RBFOX1: variants seen among roughly 807,000 people sequenced by gnomAD.
RBFOX1 encodes the protein RNA binding protein fox-1 homolog 1.
In RBFOX1, 8 loss-of-function variants were observed where a neutral mutation model predicts 57.7. That is an observed-to-expected ratio of 0.14 (90% confidence interval 0.08 to 0.25). The LOEUF is 0.25. Ranked by LOEUF, RBFOX1 falls within the 10% of genes least tolerant of loss-of-function variation. RBFOX1 has a pLI of 1.00. For synonymous variants in RBFOX1, 326 were observed against 222.4 expected, an observed-to-expected ratio of 1.47 and a Z score of -4.15; for missense variants, 611 against 548.5, an observed-to-expected ratio of 1.11 and a Z score of -1.14.
chr16:7,348,826 C>T (rs961506341), intron 4 of RBFOX1, among the ~76,000 whole-genome samples: 56 of 152,106 alleles, frequency 3.7e-4, no homozygotes, highest in African/African-American at 1.3e-3. Context: ...CTTGTAATCC[C>T]AGCCCCTTGG....
chr16:6,447,678 G>A (rs764811280), intron 2 of RBFOX1, among the ~76,000 whole-genome samples: 13 of 152,156 alleles, frequency 8.5e-5, no homozygotes, highest in East Asian at 1.9e-4. Context: ...GATAACAAGC[G>A]TTAAAAATTA....
At chr16:6,222,276 T>A (rs1212361245) in intron 1 of RBFOX1, among the ~76,000 whole-genome samples, 2 of 152,160 alleles carry the variant, frequency 1.3e-5, no homozygotes, top group African/African-American at 4.8e-5. Context: ...TCAAAATTAT[T>A]TCTGACCTTC....
chr16:5,920,513 G>A (rs1292606514), intron 4 of RBFOX1, among the ~76,000 whole-genome samples: 1 of 152,118 alleles, frequency 6.6e-6, no homozygotes, highest in Admixed American at 6.5e-5. Flanking sequence ...ACTTATAGGG[G>A]AACTGATCAC....
chr16:5,612,212 C>CAT (rs2047846418), intron 3 of RBFOX1, among the ~76,000 whole-genome samples: 3 of 144,018 alleles, frequency 2.1e-5, no homozygotes, highest in South Asian at 2.3e-4. Context: ...CCCCTCCACT[C>CAT]TCATTCATTC....
In RBFOX1 at chr16:6,122,588, A is replaced by G. The variant is rs185768503; in HGVS notation, c.-127+102596A>G. ...CATCCAGGCTTATATTGTGCTGACT[A>G]GGCCTTCCGTGTGACACCCGCTCCC... On this transcript the variant is annotated intron_variant, in intron 1 of 15. Coordinates refer to ENST00000550418, the MANE Select transcript of RBFOX1 (RefSeq NM_018723.4). Among the ~76,000 whole-genome samples the G allele has an allele frequency of 2.0e-3, 311 of 152,238 alleles. 4 individuals carry two copies. The highest frequency in any genetic ancestry group is 6.8e-3 in the African/African-American group (283 of 41,550).
chr16:6,677,571 A>G (rs886227558), intron 3 of RBFOX1, among the ~76,000 whole-genome samples: 1 of 152,222 alleles, frequency 6.6e-6, no homozygotes, highest in African/African-American at 2.4e-5. Context: ...GAAGCAGAGT[A>G]ATGACTCAGC....
intron 1 of RBFOX1, among the ~76,000 whole-genome samples, chr16:5,452,713 G>C (rs1162389074): frequency 1.3e-5 from 2 of 151,266 alleles, no homozygotes; most frequent in Non-Finnish European, 2.9e-5. Context: ...GCGTGGTCCT[G>C]GCTCACTGCA....
At chr16:7,564,171 G>A (rs1384217948) in intron 5 of RBFOX1, among the ~76,000 whole-genome samples, 1 of 152,084 alleles carries the variant, frequency 6.6e-6, no homozygotes, top group African/African-American at 2.4e-5. Context: ...CGAGAGTAGA[G>A]CCCGATGAGA....
chr16:6,554,863 C>A (rs1016154749), intron 2 of RBFOX1, among the ~76,000 whole-genome samples: 1 of 147,812 alleles, frequency 6.8e-6, no homozygotes. Context: ...CTCTGTCGCT[C>A]TCTCTCTCAC....
chr16:6,860,280 T>C (rs1355714890), intron 3 of RBFOX1, among the ~76,000 whole-genome samples: 1 of 152,218 alleles, frequency 6.6e-6, no homozygotes, highest in Non-Finnish European at 1.5e-5. Flanking sequence ...AAATACATTA[T>C]TTAATGTCTG....
intron 4 of RBFOX1, among the ~76,000 whole-genome samples, chr16:7,106,005 A>T (rs2151464630): frequency 6.6e-6 from 1 of 152,230 alleles, no homozygotes; most frequent in African/African-American, 2.4e-5. Flanking sequence ...GTCCAGGAGG[A>T]TTTCTTACAG....
intron 4 of RBFOX1, among the ~76,000 whole-genome samples, chr16:7,330,685 G>A (rs1424263597): frequency 1.3e-5 from 2 of 152,062 alleles, no homozygotes. Flanking sequence ...GAAACTAAGA[G>A]TCTAAAGCTG....
At chr16:7,067,333 A>T (rs9941158) in intron 4 of RBFOX1, among the ~76,000 whole-genome samples, 1 of 151,698 alleles carries the variant, frequency 6.6e-6, no homozygotes, top group South Asian at 2.1e-4. Context: ...TTTATAGAAC[A>T]CAAATTTACT....
intron 4 of RBFOX1, among the ~76,000 whole-genome samples, chr16:5,976,026 C>G (rs1323073873): frequency 6.6e-6 from 1 of 151,940 alleles, no homozygotes; most frequent in Admixed American, 6.6e-5. Flanking sequence ...TACCTGTAGT[C>G]CTAGCCACTC....
chr16:5,643,659 A>G (rs144597980), intron 3 of RBFOX1, among the ~76,000 whole-genome samples: 1 of 152,290 alleles, frequency 6.6e-6, no homozygotes, highest in Non-Finnish European at 1.5e-5. Context: ...TGATGTAGGA[A>G]CTTCAGCTTT....
intron 3 of RBFOX1, among the ~76,000 whole-genome samples, chr16:5,796,473 G>A (rs2054882662): frequency 6.6e-6 from 1 of 152,160 alleles, no homozygotes; most frequent in Admixed American, 6.5e-5. Flanking sequence ...AACAGGAGTG[G>A]TGGTGGCATC....
rs140621124 is a variant in RBFOX1, at chr16:5,828,493, A to G, written c.319-38810A>G. 9.2e-4 allele frequency among the ~76,000 whole-genome samples: 140 copies of G among 152,218 alleles called. 4 individuals carry two copies. The East Asian group carries it at 0.025, about 27-fold the overall frequency. ...GGTGGGCGGATCGCGAGGTCAATAG[A>G]TCAAGACCATCCTGACCAACATGGT... is the stretch of plus-strand genomic sequence containing the variant. On this transcript the variant is annotated intron_variant, in intron 3 of 19. Coordinates refer to the RBFOX1 transcript ENST00000641259.
At chr16:5,736,428 C>G (rs1317472412) in intron 3 of RBFOX1, among the ~76,000 whole-genome samples, 1 of 151,962 alleles carries the variant, frequency 6.6e-6, no homozygotes, top group South Asian at 2.1e-4. Context: ...TTCAGCCACC[C>G]ACGGCCATAT....
At chr16:6,703,405 C>T (rs1010273493) in intron 3 of RBFOX1, among the ~76,000 whole-genome samples, 1 of 152,054 alleles carries the variant, frequency 6.6e-6, no homozygotes, top group African/African-American at 2.4e-5. Flanking sequence ...GAGACCCCAT[C>T]TCTACAGAAA....
Sources: allele counts gnomAD v4.1 joint callset (sites outside exome capture counted in the v4.1 genomes callset), GRCh38; gene constraint gnomAD v4.1.1; transcripts MANE v1.5; gene names NCBI Gene and HGNC (gene_info 2026-07-23, HGNC 2026-07-21).